Variants in FRK observed in about 807,000 individuals in gnomAD.
FRK encodes fyn related Src family tyrosine kinase, also known as tyrosine-protein kinase FRK.
Under a neutral mutation model 56.4 loss-of-function variants are expected in FRK, and 51 were observed. The ratio of observed to expected loss-of-function variants is 0.90; its 90% CI spans 0.72 to 1.14. The LOEUF (loss-of-function observed/expected upper bound fraction) is 1.14. Among genes scored for constraint, FRK ranks in the 50% most tolerant of loss-of-function variants. The pLI, the probability that FRK is intolerant of heterozygous loss-of-function variation, is 0.00. For synonymous variants in FRK, 245 were observed against 217.9 expected (o/e 1.12, Z -1.10); for missense variants, 570 against 601.4 (o/e 0.95, Z 0.55).
chr6:116,028,079 G>A (rs1194214442), intron 1 of FRK, among the ~76,000 whole-genome samples: 1 of 152,116 alleles, frequency 6.6e-6, no homozygotes, highest in Non-Finnish European at 1.5e-5. Context: ...TACCAGATGT[G>A]TAGGAGGTTT....
chr6:115,956,660 T>G, intron 4 of FRK, 50 bp from the exon 5 acceptor site: 1 of 1,359,348 alleles, frequency 7.4e-7, no homozygotes, highest in Non-Finnish European at 9.8e-7. Flanking sequence ...GGCATTCCTA[T>G]CCTCACAGCA....
At chr6:116,031,800 T>C (rs1357334458) in intron 1 of FRK, among the ~76,000 whole-genome samples, 3 of 152,120 alleles carry the variant, frequency 2.0e-5, no homozygotes, top group Non-Finnish European at 4.4e-5. Flanking sequence ...TGGTTATCTT[T>C]AACCAATTTA....
At chr6:116,010,154 G>A (rs540308431) in intron 1 of FRK, among the ~76,000 whole-genome samples, 7 of 151,966 alleles carry the variant, frequency 4.6e-5, no homozygotes, top group Non-Finnish European at 7.4e-5. Context: ...CCAAGGAGGC[G>A]GAGGTTGCAG....
chr6:116,087,017 A>T, the FRK span, among the ~76,000 whole-genome samples: 5 of 152,252 alleles, frequency 3.3e-5, no homozygotes, highest in Non-Finnish European at 7.3e-5. Flanking sequence ...GATATCCTGC[A>T]TGGGAATGGA....
chr6:115,932,249 A>C lies in FRK; in HGVS notation c.*10165T>G, dbSNP rs1185017305. The C allele has an allele frequency of 6.6e-6, 1 of 152,230 alleles. No homozygotes were observed. The highest frequency in any genetic ancestry group is 1.5e-5 in the Non-Finnish European group (1 of 68,044). 9.4% of individuals were successfully genotyped at this position (152,230 alleles called of 1,614,324 possible). A position where few individuals can be genotyped will look rare whatever the true frequency, so the allele number is the denominator to read the frequency against. On this transcript the variant is annotated 3_prime_UTR_variant, in exon 8 of 8. Transcript: ENST00000606080. ...CCTACTAACATCACTTTCTTAACAA[A>C]AGCAGAGAAAAATCTAAGAGTTTAG...
the FRK span, among the ~76,000 whole-genome samples, chr6:116,092,898 C>T: frequency 6.6e-6 from 1 of 152,162 alleles, no homozygotes; most frequent in African/African-American, 2.4e-5. Flanking sequence ...ATTTGACCCA[C>T]AAACCCTGAA....
chr6:116,098,126 TTA>T, the FRK span, among the ~76,000 whole-genome samples: 8,522 of 115,382 alleles, frequency 0.074, 1,041 homozygotes, highest in African/African-American at 0.13. Context: ...TTTTTTTTTT[TTA>T]AAAGACAGGG....
At chr6:116,034,025 C>T (rs12154016) in intron 1 of FRK, among the ~76,000 whole-genome samples, 56,873 of 151,816 alleles carry the variant, frequency 0.37, 11,071 homozygotes, top group Middle Eastern at 0.49. Context: ...CCAAGGTATT[C>T]GGCCTGAGCA....
chr6:116,089,084 A>C, the FRK span, among the ~76,000 whole-genome samples: 1 of 152,334 alleles, frequency 6.6e-6, no homozygotes, highest in South Asian at 2.1e-4. Context: ...CAGTCTTCTT[A>C]CATATTATTT....
At chr6:116,015,121 G>T (rs1174276209) in intron 1 of FRK, among the ~76,000 whole-genome samples, 1 of 152,070 alleles carries the variant, frequency 6.6e-6, no homozygotes, top group East Asian at 1.9e-4. Context: ...TATTGATATG[G>T]TTTGGCTCTG....
chr6:116,002,803 A>G, intron 2 of FRK: 2 of 433,284 alleles, frequency 4.6e-6, no homozygotes, highest in Non-Finnish European at 9.4e-6. Context: ...CACCTGCCTC[A>G]AAACCACTGC....
At chr6:116,045,319 C>T (rs929790659) in intron 1 of FRK, among the ~76,000 whole-genome samples, 2 of 152,184 alleles carry the variant, frequency 1.3e-5, no homozygotes, top group African/African-American at 4.8e-5. Context: ...CATCATGCCA[C>T]CTGACTTCAA....
chr6:115,972,719 C>A (rs1450865051), intron 2 of FRK, among the ~76,000 whole-genome samples: 1 of 152,170 alleles, frequency 6.6e-6, no homozygotes, highest in Non-Finnish European at 1.5e-5. Flanking sequence ...TCAAAAACTC[C>A]ATTTTAACAT....
chr6:115,954,514 G>A (rs1276028193), intron 5 of FRK, among the ~76,000 whole-genome samples: 1 of 152,154 alleles, frequency 6.6e-6, no homozygotes, highest in African/African-American at 2.4e-5. Context: ...TTTGCTAGCA[G>A]GTTAGAGATG....
chr6:116,052,204 A>C (rs1382739421), intron 1 of FRK, among the ~76,000 whole-genome samples: 2 of 152,212 alleles, frequency 1.3e-5, no homozygotes, highest in Non-Finnish European at 2.9e-5. Flanking sequence ...CCAGAGGTGG[A>C]TTAGAGCAAC....
intron 1 of FRK, among the ~76,000 whole-genome samples, chr6:116,049,178 T>C (rs182921502): frequency 6.6e-6 from 1 of 152,300 alleles, no homozygotes; most frequent in East Asian, 1.9e-4. Context: ...CTTTAAACTA[T>C]CATACATGCT....
chr6:116,034,535 G>A (rs1262092272), intron 1 of FRK, among the ~76,000 whole-genome samples: 2 of 152,090 alleles, frequency 1.3e-5, no homozygotes, highest in South Asian at 2.1e-4. Context: ...GAGAGAATGA[G>A]TCAGCAAAAT....
rs34026302 is a variant in FRK at position 115,953,180 on chromosome 6, A to ACTTTTTTTTTTTTTTTTTTTT, written c.958+3271_958+3272insAAAAAAAAAAAAAAAAAAAAG. The stretch of plus-strand genomic sequence containing the variant: ...AGAGTGGTACATCCATTTTAAGGCC[A>ACTTTTTTTTTTTTTTTTTTTT]TTTTTTTTTTTTTTTTTTTTTTTTT... On this transcript the variant is annotated intron_variant, in intron 5 of 7. Transcript: ENST00000606080. 5.8e-5 allele frequency among the ~76,000 whole-genome samples: 6 copies of ACTTTTTTTTTTTTTTTTTTTT among 104,032 alleles called. 3 individuals carry two copies. Among genetic ancestry groups the ACTTTTTTTTTTTTTTTTTTTT allele is most frequent in the African/African-American group, 7.3e-5 (2 of 27,214 alleles). 68.2% of individuals were successfully genotyped at this position (104,032 alleles called of 152,430 possible).
chr6:115,956,733 A>G, intron 4 of FRK, 123 bp from the exon 5 acceptor site: 1 of 691,114 alleles, frequency 1.4e-6, no homozygotes, highest in East Asian at 2.8e-5. Flanking sequence ...TCAGTATCAC[A>G]AATCTTCAGA....
Sources: gnomAD v4.1 joint callset for allele counts (sites outside exome capture counted in the v4.1 genomes callset) on GRCh38, gnomAD v4.1.1 for gene constraint, MANE v1.5 for transcripts, NCBI Gene and HGNC (gene_info 2026-07-23, HGNC 2026-07-21) for gene names.